Variants in ULK4 observed in about 807,000 individuals in gnomAD.
The protein encoded by ULK4 is inactive serine/threonine-protein kinase ULK4.
In ULK4, 133 loss-of-function variants were observed where a neutral mutation model predicts 160.6. The ratio of observed to expected loss-of-function variants is 0.83; its 90% CI spans 0.72 to 0.96. The LOEUF is 0.96. ULK4 is among the 40% of genes least tolerant of loss of function. The pLI, the probability that ULK4 is intolerant of heterozygous loss-of-function variation, is 0.00. For missense variants in ULK4, 1,580 were observed against 1,499.5 expected (o/e 1.05, Z -0.89); for synonymous variants, 534 against 539.8 (o/e 0.99, Z 0.15).
intron 17 of ULK4, among the ~76,000 whole-genome samples, chr3:41,841,940 C>T (rs1006693404): frequency 6.6e-6 from 1 of 152,050 alleles, no homozygotes; most frequent in Non-Finnish European, 1.5e-5. Flanking sequence ...TTGAAGGCAG[C>T]ATGCTCATTA....
At chr3:41,328,853 T>C (rs1253914136) in intron 35 of ULK4, among the ~76,000 whole-genome samples, 1 of 152,212 alleles carries the variant, frequency 6.6e-6, no homozygotes, top group Admixed American at 6.5e-5. Flanking sequence ...CATGTTCTTA[T>C]GTGGGTTCAG....
intron 22 of ULK4, among the ~76,000 whole-genome samples, chr3:41,750,606 T>G (rs1186329580): frequency 6.6e-6 from 1 of 152,066 alleles, no homozygotes; most frequent in African/African-American, 2.4e-5. Context: ...AGTTCTAGAC[T>G]TTCCAAAACA....
chr3:41,889,918 G>A (rs986363918), intron 16 of ULK4, among the ~76,000 whole-genome samples: 1 of 152,168 alleles, frequency 6.6e-6, no homozygotes, highest in African/African-American at 2.4e-5. Flanking sequence ...GGATTATTCA[G>A]CTATAAAAAG....
chr3:41,917,105 TAAG>T (rs1271529750), intron 7 of ULK4, among the ~76,000 whole-genome samples: 3 of 152,306 alleles, frequency 2.0e-5, no homozygotes, highest in African/African-American at 7.2e-5. Context: ...TTAACAGAAA[TAAG>T]AAGCATTATA....
chr3:41,858,141 TTGTTTG>T (rs1236066671), intron 17 of ULK4, among the ~76,000 whole-genome samples: 6,024 of 94,814 alleles, frequency 0.064, 389 homozygotes, highest in African/African-American at 0.27. Context: ...AGGGTTTTTT[TTGTTTG>T]TTTTTTTTTT....
chr3:41,376,826 T>A (rs1358521460), intron 35 of ULK4, among the ~76,000 whole-genome samples: 1 of 149,792 alleles, frequency 6.7e-6, no homozygotes, highest in African/African-American at 2.5e-5. Context: ...TTCAATGCCA[T>A]CCCCAACAAG....
intron 31 of ULK4, among the ~76,000 whole-genome samples, chr3:41,590,480 A>AC (rs1435854774): frequency 1.3e-5 from 2 of 148,488 alleles, no homozygotes; most frequent in Non-Finnish European, 3.0e-5. Flanking sequence ...AAAAAAAAAA[A>AC]AAAAAATTAG....
At position 41,486,912 on chromosome 3, in the gene ULK4, T is replaced by C. The variant is rs575143815; in HGVS notation, c.3227-23659A>G. 1.9e-4 allele frequency among the ~76,000 whole-genome samples: 29 copies of C among 152,156 alleles called. 1 individual carries two copies. The South Asian group carries it at 5.4e-3, about 28-fold the overall frequency. On this transcript the variant is annotated intron_variant, in intron 32 of 36. Transcript: ENST00000301831. ...CTCCCAATTTTGTACTCAGATTTGG[T>C]TAGGTAATCTAGCCAAAGCAATAAA...
Position 41,395,997 on chromosome 3 carries a change from T to C in ULK4, c.3678+2082A>G, listed in dbSNP as rs190607845. ...GTAGAATCTGTTGATTTTGACCAAG[T>C]TGGGGTCTTATTAATTAATCTGTAT... On this transcript the variant is annotated intron_variant, in intron 35 of 36. Coordinates refer to ENST00000301831, the MANE Select transcript of ULK4 (RefSeq NM_017886.4). Among the ~76,000 whole-genome samples, 40 of 152,194 alleles carry C rather than the reference T, an allele frequency of 2.6e-4. 1 individual carries two copies. Among genetic ancestry groups the C allele is most frequent in the Admixed American group, 2.5e-3 (38 of 15,270 alleles).
intron 35 of ULK4, among the ~76,000 whole-genome samples, chr3:41,274,540 T>G (rs547785783): frequency 2.6e-5 from 4 of 152,306 alleles, no homozygotes; most frequent in Non-Finnish European, 5.9e-5. Flanking sequence ...TTGAAAAAGG[T>G]CTAGGGACAG....
chr3:41,584,325 T>C (rs1288433613), intron 31 of ULK4, among the ~76,000 whole-genome samples: 1 of 152,184 alleles, frequency 6.6e-6, no homozygotes, highest in Non-Finnish European at 1.5e-5. Flanking sequence ...AGAGTCTCAC[T>C]CTGTCACCCA....
intron 34 of ULK4, among the ~76,000 whole-genome samples, chr3:41,430,743 C>A (rs1221233784): frequency 6.6e-6 from 1 of 152,074 alleles, no homozygotes; most frequent in African/African-American, 2.4e-5. Context: ...TTAAACAAAA[C>A]AAAAAAGCCA....
chr3:41,309,919 T>A (rs1205240250), intron 35 of ULK4, among the ~76,000 whole-genome samples: 1 of 151,902 alleles, frequency 6.6e-6, no homozygotes, highest in South Asian at 2.1e-4. Context: ...AAATGACACA[T>A]TTTAGAGGTA....
chr3:41,960,846 T>C (rs948769062), intron 1 of ULK4, among the ~76,000 whole-genome samples: 3 of 152,146 alleles, frequency 2.0e-5, no homozygotes, highest in Admixed American at 1.3e-4. Context: ...TTTAATGAAT[T>C]ACTAAAGAGG....
intron 29 of ULK4, among the ~76,000 whole-genome samples, chr3:41,671,921 G>T (rs1441366479): frequency 1.3e-5 from 2 of 151,906 alleles, no homozygotes; most frequent in South Asian, 4.2e-4. Flanking sequence ...GTGGGCAAAG[G>T]ATATAAACAT....
At position 41,496,155 on chromosome 3, in the gene ULK4, A is replaced by G. The variant is rs559266193; in HGVS notation, c.3227-32902T>C. Among the ~76,000 whole-genome samples, 3 of 152,232 alleles carry G rather than the reference A, an allele frequency of 2.0e-5. No individual in the cohort carries two copies. The South Asian group carries it at 6.2e-4, about 32-fold the overall frequency. On this transcript the variant is annotated intron_variant, in intron 32 of 36. Coordinates refer to ENST00000301831, the MANE Select transcript of ULK4 (RefSeq NM_017886.4). ...AAAAATACTGACAAACCAACAAGAA[A>G]ACACTAAAAAGAGTAGAATGAACAA...
Position 41,329,034 on chromosome 3 carries a change from C to T in ULK4, c.3678+69045G>A, listed in dbSNP as rs975520334. 3.3e-5 allele frequency among the ~76,000 whole-genome samples: 5 copies of T among 152,282 alleles called. No homozygotes were observed. The East Asian group carries it at 7.7e-4, about 23-fold the overall frequency. On this transcript the variant is annotated intron_variant, in intron 35 of 36. Transcript: ENST00000301831. The stretch of plus-strand genomic sequence containing the variant: ...AAACTTTCCACCACTGAAAAAATTC[C>T]TTTGTGCTGCCCCTCCTCCCAGACC...
intron 12 of ULK4, among the ~76,000 whole-genome samples, chr3:41,903,917 A>G (rs1432969472): frequency 2.0e-5 from 3 of 151,850 alleles, no homozygotes; most frequent in African/African-American, 7.3e-5. Context: ...TGCCAATATC[A>G]AAATGTATGA....
At chr3:41,709,047 T>C (rs1325347663) in intron 25 of ULK4, among the ~76,000 whole-genome samples, 2 of 152,228 alleles carry the variant, frequency 1.3e-5, no homozygotes, top group African/African-American at 4.8e-5. Context: ...CAATTGTTTC[T>C]ACAATACAAA....
Sources: allele counts gnomAD v4.1 joint callset (sites outside exome capture counted in the v4.1 genomes callset), GRCh38; gene constraint gnomAD v4.1.1; transcripts MANE v1.5; gene names NCBI Gene and HGNC (gene_info 2026-07-23, HGNC 2026-07-21).